Variants in ZNF430 observed in about 807,000 individuals in gnomAD.
ZNF430 encodes the protein zinc finger protein 430.
Under a neutral mutation model 56.7 loss-of-function variants are expected in ZNF430, and 35 were observed. The observed-to-expected ratio is 0.62, with a 90% CI of 0.47 to 0.82. ZNF430 has a LOEUF of 0.82. Ranked by LOEUF, ZNF430 falls within the 40% of genes least tolerant of loss-of-function variation. The pLI is 0.00. For missense variants in ZNF430, 574 were observed against 661.0 expected (o/e 0.87, Z 1.44); for synonymous variants, 212 against 224.3 (o/e 0.94, Z 0.49).
intron 4 of ZNF430, among the ~76,000 whole-genome samples, chr19:21,037,705 T>C (rs1968029028): frequency 6.6e-6 from 1 of 152,202 alleles, no homozygotes; most frequent in Non-Finnish European, 1.5e-5. Context: ...ACAATTGACA[T>C]AGGTTTTATT....
At position 21,056,842 on chromosome 19, in the gene ZNF430, A is replaced by G. The variant is rs370609116; in HGVS notation, c.534A>G (p.Gln178=). The change falls in exon 5 of 5, where the codon CAA becomes CAG. Residue 178 remains glutamine (Q), a synonymous_variant. Transcript: ENST00000261560. ...CAACTACCCAGAGTGAAATATTTCA[A>G]TATGATAAATATGTGAATGTCTTTT... ...CLTTTQSEIF[Q]YDKYVNVFYK... is the part of the protein sequence containing the mutation. 2.5e-6 allele frequency: 4 copies of G among 1,612,084 alleles called. No homozygotes were observed. Among genetic ancestry groups the G allele is most frequent in the Non-Finnish European group, 3.4e-6 (4 of 1,179,050 alleles).
chr19:21,049,188 A>AC (rs1256895751), intron 4 of ZNF430, among the ~76,000 whole-genome samples: 3 of 150,380 alleles, frequency 2.0e-5, no homozygotes, highest in Non-Finnish European at 4.4e-5. Flanking sequence ...AAAAAAAAAA[A>AC]AAAAAAAAAG....
At chr19:21,035,416 T>C (rs1190044014) in intron 4 of ZNF430, 2 of 152,338 alleles carry the variant, frequency 1.3e-5, no homozygotes, top group African/African-American at 4.8e-5. Context: ...TTCAGACAAA[T>C]TTCAATGTAG....
chr19:21,029,018 A>G (rs1404537945), intron 2 of ZNF430, among the ~76,000 whole-genome samples: 3 of 152,172 alleles, frequency 2.0e-5, no homozygotes, highest in African/African-American at 7.2e-5. Flanking sequence ...TACAAGAGAT[A>G]ACTTTGGTTG....
chr19:21,058,076 T>C lies in ZNF430; in HGVS notation c.*55T>C. 1 of 1,499,138 alleles carries C rather than the reference T, an allele frequency of 6.7e-7. No homozygotes were observed. The highest frequency in any genetic ancestry group is 9.1e-7 in the Non-Finnish European group (1 of 1,103,660). 92.9% of individuals were successfully genotyped at this position (1,499,138 alleles called of 1,614,324 possible). A position where few individuals can be genotyped will look rare whatever the true frequency, so the allele number is the denominator to read the frequency against. On this transcript the variant is annotated 3_prime_UTR_variant, in exon 5 of 5. Coordinates refer to ENST00000261560, the MANE Select transcript of ZNF430 (RefSeq NM_025189.4). ...GAATTCTTACTAAACATAAGAACAT[T>C]CATACTGAAGAGGAACCCTATGAGT...
chr19:21,034,219 G>T, intron 4 of ZNF430, 35 bp downstream of exon 4: 1 of 1,375,298 alleles, frequency 7.3e-7, no homozygotes, highest in South Asian at 1.4e-5. Context: ...CGACATGAAT[G>T]AGAGGTCCAA....
At chr19:21,042,364 T>C (rs76891680) in intron 4 of ZNF430, among the ~76,000 whole-genome samples, 9,037 of 152,310 alleles carry the variant, frequency 0.059, 666 homozygotes, top group African/African-American at 0.18. Flanking sequence ...TTTCTGTTTC[T>C]AGGTCCTTGA....
Position 21,057,590 on chromosome 19 carries a change from C to A in ZNF430, c.1282C>A (p.Pro428Thr), listed in dbSNP as rs1159256457. ...TAAAAGAATTCATACTGGAGAGAAA[C>A]CCTACAAATGTGAACAATGTGGCAA... ...KHKRIHTGEK[P>T]YKCEQCGKAF... The change falls in exon 5 of 5, where the codon CCC (proline) becomes ACC (threonine). Residue 428 changes from proline (P) to threonine (T), a missense_variant. Transcript: ENST00000261560. 6.2e-7 allele frequency: 1 copy of A among 1,613,186 alleles called. No individual in the cohort carries two copies. Among genetic ancestry groups the A allele is most frequent in the Non-Finnish European group, 8.5e-7 (1 of 1,179,972 alleles).
chr19:21,029,100 A>C (rs1376260977), intron 2 of ZNF430, among the ~76,000 whole-genome samples: 1 of 152,222 alleles, frequency 6.6e-6, no homozygotes, highest in African/African-American at 2.4e-5. Flanking sequence ...TGACTCAAAC[A>C]GATAAAGTAA....
chr19:21,027,999 G>A (rs1967834723), intron 2 of ZNF430, among the ~76,000 whole-genome samples: 1 of 152,162 alleles, frequency 6.6e-6, no homozygotes, highest in South Asian at 2.1e-4. Context: ...GCCTCTATGA[G>A]GGGATCTCTC....
chr19:21,039,348 G>T (rs1345314032), intron 4 of ZNF430, among the ~76,000 whole-genome samples: 1 of 148,354 alleles, frequency 6.7e-6, no homozygotes, highest in Non-Finnish European at 1.5e-5. Flanking sequence ...TCTTGCCTTG[G>T]CCTCTGAAAG....
intron 2 of ZNF430, among the ~76,000 whole-genome samples, chr19:21,025,264 A>G (rs1397263224): frequency 1.3e-5 from 2 of 152,162 alleles, no homozygotes; most frequent in African/African-American, 4.8e-5. Flanking sequence ...CAATTAGACA[A>G]TATAAAGTCA....
In ZNF430 at chr19:21,033,587, G is replaced by T; in HGVS notation, c.223+5G>T. 6.2e-7 allele frequency: 1 copy of T among 1,603,300 alleles called. No individual in the cohort carries two copies. Among genetic ancestry groups the T allele is most frequent in the Non-Finnish European group, 8.5e-7 (1 of 1,175,704 alleles). On this transcript the variant is annotated splice_donor_5th_base_variant and intron_variant, in intron 3 of 4. Coordinates refer to ENST00000261560, the MANE Select transcript of ZNF430 (RefSeq NM_025189.4). ...ACAGAAACCTGGTCTTCTTGGGTGA[G>T]AATAACTTTAGTACACAATTACTAG...
chr19:21,049,961 G>C (rs113354732), intron 4 of ZNF430, among the ~76,000 whole-genome samples: 1 of 18,606 alleles, frequency 5.4e-5, no homozygotes, highest in African/African-American at 7.6e-5. Context: ...GTCTCTCTCT[G>C]TCACCCAGGC....
chr19:21,034,271 G>A lies in ZNF430; in HGVS notation c.322+87G>A, dbSNP rs10407928. ...TGCTTAAAATGTTATTTGAGAATCTGTGTTCCAAAGCAAATATTTTCTGGG... is the reference window on the plus strand; with the variant it reads ...TGCTTAAAATGTTATTTGAGAATCTATGTTCCAAAGCAAATATTTTCTGGG... On this transcript the variant is annotated intron_variant, in intron 4 of 4. Transcript: ENST00000261560. The A allele has an allele frequency of 0.012, 11,913 of 1,030,482 alleles. 911 individuals carry two copies. The African/African-American group carries it at 0.17, about 15-fold the overall frequency. The allele number at this position is 1,030,482 out of a possible 1,614,324, so 63.8% of individuals were successfully genotyped here.
rs549570841 is a variant in ZNF430, at chr19:21,047,466, G to T, written c.323-9165G>T. ...TTTGGTTTATTCTTTTCATCTTTGTGAGTTTTTCTAGCTTCGATCTTTGAG... is the reference window on the plus strand; with the variant it reads ...TTTGGTTTATTCTTTTCATCTTTGTTAGTTTTTCTAGCTTCGATCTTTGAG... On this transcript the variant is annotated intron_variant, in intron 4 of 4. Coordinates refer to ENST00000261560, the MANE Select transcript of ZNF430 (RefSeq NM_025189.4). Among the ~76,000 whole-genome samples the T allele has an allele frequency of 2.2e-4, 33 of 152,290 alleles. No individual in the cohort carries two copies. In the South Asian group the frequency reaches 6.8e-3, roughly 32 times the overall value.
rs148335981 is a variant in ZNF430 at position 21,056,947 on chromosome 19, G to A, written c.639G>A (p.Ser213=). The A allele has an allele frequency of 3.3e-5, 53 of 1,613,598 alleles. No individual in the cohort carries two copies. The Middle Eastern group carries it at 6.6e-4, about 20-fold the overall frequency. ...TCAAATGTAAAAAATGTGACAAATC[G>A]TTTTGCATGCTTTTACACCTAACTC... The part of the protein sequence containing the change: ...KPFKCKKCDK[S]FCMLLHLTQH... The change falls in exon 5 of 5, where the codon TCG becomes TCA. Residue 213 remains serine (S), a synonymous_variant. Transcript: ENST00000261560.
chr19:21,053,045 G>A (rs1599507711), intron 4 of ZNF430, among the ~76,000 whole-genome samples: 2 of 152,060 alleles, frequency 1.3e-5, no homozygotes, highest in South Asian at 4.1e-4. Context: ...GAGTTGTCTT[G>A]TTGCATTTTG....
At chr19:21,025,177 T>C (rs1967769572) in intron 2 of ZNF430, among the ~76,000 whole-genome samples, 1 of 152,212 alleles carries the variant, frequency 6.6e-6, no homozygotes, top group Non-Finnish European at 1.5e-5. Context: ...AGAGCAGCCC[T>C]GAGGGCTGCT....
Sources: allele counts gnomAD v4.1 joint callset (sites outside exome capture counted in the v4.1 genomes callset), GRCh38; gene constraint gnomAD v4.1.1; transcripts MANE v1.5; gene names NCBI Gene and HGNC (gene_info 2026-07-23, HGNC 2026-07-21).